The following SVOPL variants were observed in gnomAD, a reference collection of about 807,000 sequenced individuals.
SVOPL encodes putative transporter SVOPL.
SVOPL carries 60 observed loss-of-function variants against 61.0 expected under a neutral mutation model. That is an observed-to-expected ratio of 0.98 (90% CI 0.80 to 1.22). The LOEUF is 1.22. Among genes scored for constraint, SVOPL ranks in the 50% most tolerant of loss-of-function variants. The probability of loss-of-function intolerance (pLI) is 0.00; values close to 1 mark genes in which losing one functional copy is unlikely to be tolerated. For synonymous variants in SVOPL, 279 were observed against 250.0 expected (o/e 1.12, Z -1.09); for missense variants, 662 against 643.9 (o/e 1.03, Z -0.30).
chr7:138,672,656 T>TAAAAAAAA (rs35593361), intron 3 of SVOPL, among the ~76,000 whole-genome samples: 7 of 118,824 alleles, frequency 5.9e-5, no homozygotes, highest in South Asian at 3.0e-4. Flanking sequence ...TTTTTGTGTT[T>TAAAAAAAA]AAAAAAAAAA....
At chr7:138,652,224 G>T (rs145309194) in intron 7 of SVOPL, among the ~76,000 whole-genome samples, 1 of 152,030 alleles carries the variant, frequency 6.6e-6, no homozygotes, top group Admixed American at 6.6e-5. Context: ...GCTAATTTTT[G>T]TATTTTTAGC....
At chr7:138,632,903 T>C (rs1300128375) in intron 9 of SVOPL, among the ~76,000 whole-genome samples, 1 of 152,182 alleles carries the variant, frequency 6.6e-6, no homozygotes, top group Non-Finnish European at 1.5e-5. Flanking sequence ...GAGTTAATTA[T>C]CTCTGTTAAG....
intron 13 of SVOPL, among the ~76,000 whole-genome samples, chr7:138,624,743 G>C (rs142231079): frequency 3.1e-3 from 468 of 150,568 alleles, no homozygotes; most frequent in Non-Finnish European, 5.6e-3. Context: ...TGCTGCCCAG[G>C]CTGGAGTGCA....
intron 14 of SVOPL, among the ~76,000 whole-genome samples, chr7:138,601,481 T>C (rs1798522953): frequency 2.0e-5 from 3 of 151,834 alleles, no homozygotes; most frequent in African/African-American, 7.3e-5. Flanking sequence ...GAGGACATTA[T>C]GCTAAAAACT....
intron 14 of SVOPL, among the ~76,000 whole-genome samples, chr7:138,620,119 G>GTTTTTTTTTTTTTTTTTTTTTTTT (rs375556204): frequency 1.7e-5 from 2 of 114,590 alleles, no homozygotes; most frequent in African/African-American, 3.1e-5. Context: ...TTTTTTTTCT[G>GTTTTTTTTTTTTTTTTTTTTTTTT]TTTTGTTTTT....
intron 1 of SVOPL, among the ~76,000 whole-genome samples, chr7:138,682,756 G>A (rs1802725851): frequency 6.6e-6 from 1 of 152,010 alleles, no homozygotes; most frequent in South Asian, 2.1e-4. Context: ...ATCACCTGAG[G>A]TCAGGAGTTC....
intron 14 of SVOPL, among the ~76,000 whole-genome samples, chr7:138,611,018 C>A (rs150173633): frequency 1.3e-5 from 2 of 152,330 alleles, no homozygotes; most frequent in Non-Finnish European, 2.9e-5. Flanking sequence ...ACCCAGTCAC[C>A]TCTGTACAAA....
chr7:138,609,265 G>C (rs1798888269), intron 14 of SVOPL, among the ~76,000 whole-genome samples: 1 of 152,162 alleles, frequency 6.6e-6, no homozygotes, highest in Non-Finnish European at 1.5e-5. Flanking sequence ...TGAGCACAAT[G>C]TACCAAAATG....
intron 9 of SVOPL, among the ~76,000 whole-genome samples, chr7:138,633,870 C>T (rs1466604024): frequency 1.3e-5 from 2 of 152,158 alleles, no homozygotes; most frequent in Non-Finnish European, 2.9e-5. Flanking sequence ...GTGATGTCCT[C>T]GGCAACAAAT....
chr7:138,594,536 T>C lies in SVOPL; in HGVS notation c.*74A>G. The C allele has an allele frequency of 6.8e-7, 1 of 1,477,842 alleles. No individual in the cohort carries two copies. The highest frequency in any genetic ancestry group is 9.2e-7 in the Non-Finnish European group (1 of 1,086,890). 91.5% of individuals were successfully genotyped at this position (1,477,842 alleles called of 1,614,324 possible). On this transcript the variant is annotated 3_prime_UTR_variant, in exon 16 of 16. Transcript: ENST00000674285. ...AGTAGCATACAGAAGTAAAACCAAGTTTTAAAAAAATGCACCGCAGTTCTG... is the reference window on the plus strand; with the variant it reads ...AGTAGCATACAGAAGTAAAACCAAGCTTTAAAAAAATGCACCGCAGTTCTG...
At position 138,619,561 on chromosome 7, in the gene SVOPL, T is replaced by TAAAAAAAAAAAAAAA; in HGVS notation, c.1353+1470_1353+1484dup. 3.3e-5 allele frequency among the ~76,000 whole-genome samples: 2 copies of TAAAAAAAAAAAAAAA among 60,302 alleles called. 1 individual carries two copies. Among genetic ancestry groups the TAAAAAAAAAAAAAAA allele is most frequent in the Non-Finnish European group, 6.1e-5 (2 of 32,788 alleles). 39.6% of individuals were successfully genotyped at this position (60,302 alleles called of 152,430 possible). A position where few individuals can be genotyped will look rare whatever the true frequency, so the allele number is the denominator to read the frequency against. ...GGGATTAGCTTGGTTTCTCAGATGT[T>TAAAAAAAAAAAAAAA]AAAAAAAAAAAAAAAAAAAAAAAAA... On this transcript the variant is annotated intron_variant, in intron 14 of 15. Coordinates refer to ENST00000674285, the MANE Select transcript of SVOPL (RefSeq NM_001139456.2).
intron 14 of SVOPL, among the ~76,000 whole-genome samples, chr7:138,618,669 C>T (rs1044237336): frequency 1.8e-4 from 27 of 146,964 alleles, no homozygotes; most frequent in African/African-American, 6.3e-4. Flanking sequence ...AGAGAGAGCA[C>T]GCAAGAGTGA....
rs1204822619 is a variant in SVOPL, at chr7:138,597,183, T to TA, written c.1354-654_1354-653insT. The TA allele has an allele frequency of 5.4e-6, 7 of 1,289,044 alleles. No homozygotes were observed. The African/African-American group carries it at 1.1e-4, about 20-fold the overall frequency. The allele number at this position is 1,289,044 out of a possible 1,614,324, so 79.9% of individuals were successfully genotyped here. ...CTTTAGTTTCTCTTGGTCTGTGTTC[T>TA]TGATAGTTCTCCATTAATCTCACAA... On this transcript the variant is annotated intron_variant, in intron 14 of 15. Coordinates refer to ENST00000674285, the MANE Select transcript of SVOPL (RefSeq NM_001139456.2).
At chr7:138,611,608 A>G (rs1266623198) in intron 14 of SVOPL, among the ~76,000 whole-genome samples, 3 of 151,932 alleles carry the variant, frequency 2.0e-5, no homozygotes, top group Non-Finnish European at 4.4e-5. Context: ...TTTTTTCCCC[A>G]TGCTTCAAGA....
At chr7:138,632,068 C>G (rs1266370651) in intron 9 of SVOPL, among the ~76,000 whole-genome samples, 1 of 152,008 alleles carries the variant, frequency 6.6e-6, no homozygotes, top group East Asian at 1.9e-4. Flanking sequence ...ATTTCATTAA[C>G]CAGATTGTAA....
intron 12 of SVOPL, among the ~76,000 whole-genome samples, chr7:138,627,066 C>A (rs1241257209): frequency 6.6e-6 from 1 of 152,186 alleles, no homozygotes; most frequent in Non-Finnish European, 1.5e-5. Context: ...AGTCCCGATT[C>A]TCCAGGAAGC....
intron 1 of SVOPL, among the ~76,000 whole-genome samples, chr7:138,686,561 GGTTTTTT>G (rs781774687): frequency 7.6e-6 from 1 of 131,266 alleles, no homozygotes; most frequent in Admixed American, 7.2e-5. Context: ...TTGTTTTTTG[GGTTTTTT>G]TTTTTTTTTT....
intron 3 of SVOPL, 59 bp from the exon 4 acceptor site, chr7:138,672,176 A>G: frequency 1.4e-6 from 2 of 1,473,674 alleles, no homozygotes; most frequent in Non-Finnish European, 1.9e-6. Flanking sequence ...ACTTCTTCTC[A>G]TATCTGCCTG....
chr7:138,689,243 T>C (rs1166672019), intron 1 of SVOPL: 2 of 1,544,026 alleles, frequency 1.3e-6, no homozygotes, highest in East Asian at 2.3e-5. Context: ...AAAAGAGTGC[T>C]GAATTTTTGC....
Sources: allele counts gnomAD v4.1 joint callset (sites outside exome capture counted in the v4.1 genomes callset), GRCh38; gene constraint gnomAD v4.1.1; transcripts MANE v1.5; gene names NCBI Gene and HGNC (gene_info 2026-07-23, HGNC 2026-07-21).